Variants in INTS1 observed in about 807,000 individuals in gnomAD.
The protein encoded by INTS1 is integrator complex subunit 1.
A neutral mutation model predicts 241.6 loss-of-function variants in INTS1; 137 were observed. That is an observed-to-expected ratio of 0.57 (90% CI 0.49 to 0.65). The LOEUF (loss-of-function observed/expected upper bound fraction) is 0.65. Among genes scored for constraint, INTS1 ranks in the 30% least tolerant of loss-of-function variants. INTS1 has a pLI of 0.00. For synonymous variants in INTS1, 1,692 were observed against 1,337.8 expected (o/e 1.26, Z -5.78); for missense variants, 3,073 against 3,032.2 (o/e 1.01, Z -0.32).
At position 1,486,673 on chromosome 7, in the gene INTS1, C is replaced by G. The variant is rs749438920; in HGVS notation, c.2928G>C (p.Leu976Phe). The G allele has an allele frequency of 1.2e-6, 2 of 1,612,276 alleles. No homozygotes were observed. Among genetic ancestry groups the G allele is most frequent in the African/African-American group, 1.3e-5 (1 of 74,944 alleles). The change falls in exon 22 of 48, where the codon TTG becomes TTC. Residue 976 changes from leucine to phenylalanine, a missense_variant. Transcript: ENST00000404767. ...CCACCTGGGAGGAGCCGAGGCGCCG[C>G]AAGAAGTAGTCCAGCACCTCACACG... Reference protein sequence around the residue: ...QTTCEVLDYFLRRLGSSQVAS... With the variant: ...QTTCEVLDYFFRRLGSSQVAS...
chr7:1,483,532 G>A (rs915234765), intron 26 of INTS1: 2 of 614,366 alleles, frequency 3.3e-6, no homozygotes, highest in South Asian at 1.8e-5. Context: ...GTCCCACCAC[G>A]TGGGGATCTC....
intron 7 of INTS1, 44 bp downstream of exon 7, chr7:1,499,211 C>G (rs373860287): frequency 1.9e-6 from 3 of 1,603,246 alleles, no homozygotes; most frequent in Non-Finnish European, 2.5e-6. Flanking sequence ...CCGAGGCGCC[C>G]GCCCCCGCCG....
rs554347437 is a variant in INTS1 at position 1,500,057 on chromosome 7, C to T, written c.547-36G>A. On this transcript the variant is annotated intron_variant, in intron 4 of 47. Transcript: ENST00000404767. ...GGGCGCATGTCACGTGGGAGCTTCG[C>T]TGGCCCCAGAGGCAAAGCTGGGGTG... 445 of 1,605,878 alleles carry T rather than the reference C, an allele frequency of 2.8e-4. 6 individuals are homozygous for T. In the South Asian group the frequency reaches 4.7e-3, roughly 17 times the overall value.
Position 1,480,414 on chromosome 7 carries a change from C to A in INTS1, c.3977G>T (p.Ser1326Ile), listed in dbSNP as rs1432959720. 1 of 1,613,468 alleles carries A rather than the reference C, an allele frequency of 6.2e-7. No homozygotes were observed. The highest frequency in any genetic ancestry group is 8.5e-7 in the Non-Finnish European group (1 of 1,179,726). Residue 1326 changes from serine (S) to isoleucine (I), a missense_variant, in exon 30 of 48, where the codon AGC becomes ATC. Coordinates refer to ENST00000404767, the MANE Select transcript of INTS1 (RefSeq NM_001080453.3). ...RDSTEAPKPK[S>I]SPEQPIGQGR... The stretch of plus-strand genomic sequence containing the variant: ...CTGGCCTATGGGCTGCTCTGGGCTG[C>A]TCTTTGGTTTGGGTGCCTCTGTGCT...
intron 44 of INTS1, chr7:1,471,848 A>AG (rs1781481240): frequency 3.3e-6 from 2 of 600,400 alleles, no homozygotes; most frequent in Non-Finnish European, 5.9e-6. Context: ...CTCCAAGGAG[A>AG]GGGGTTGACC....
chr7:1,483,342 G>A (rs1175796499), intron 26 of INTS1: 1 of 338,460 alleles, frequency 3.0e-6, no homozygotes, highest in South Asian at 2.6e-5. Context: ...AGGGTCACTC[G>A]CCTGGGCCCC....
rs1357185542 is a variant in INTS1 at position 1,470,495 on chromosome 7, G to A, written c.*82C>T. 10 of 1,105,500 alleles carry A rather than the reference G, an allele frequency of 9.0e-6. No homozygotes were observed. Among genetic ancestry groups the A allele is most frequent in the African/African-American group, 1.6e-5 (1 of 63,366 alleles). 68.5% of individuals were successfully genotyped at this position (1,105,500 alleles called of 1,614,324 possible). On this transcript the variant is annotated 3_prime_UTR_variant, in exon 48 of 48. Coordinates refer to ENST00000404767, the MANE Select transcript of INTS1 (RefSeq NM_001080453.3). ...TCACCTCCTCGGACAGACCAGCAAC[G>A]CCCACGCTTCCTGGGCTTTGCCTCG...
At position 1,481,690 on chromosome 7, in the gene INTS1, G is replaced by C. The variant is rs1209253430; in HGVS notation, c.3704-202C>G. The stretch of plus-strand genomic sequence containing the variant: ...TGAGACCCTGGGCCACGTGGGCTCG[G>C]TGACCCCACCCAAGACCTGGGGCAG... On this transcript the variant is annotated intron_variant, in intron 27 of 47. Transcript: ENST00000404767. The surrounding 1 kb of genome is among the most constrained non-coding windows in gnomAD (Gnocchi z 6.8). Among the ~76,000 whole-genome samples, 1 of 145,392 alleles carries C rather than the reference G, an allele frequency of 6.9e-6. No individual in the cohort carries two copies. Among genetic ancestry groups the C allele is most frequent in the Admixed American group, 6.8e-5 (1 of 14,638 alleles).
At chr7:1,496,310 G>A (rs372125633) in intron 11 of INTS1, 46 bp from the exon 12 acceptor site, 111 of 1,299,972 alleles carry the variant, frequency 8.5e-5, no homozygotes, top group South Asian at 7.8e-4. Context: ...ACACCCGGGA[G>A]CCCCACTCCA....
At chr7:1,498,620 A>ACTCCGCCCGCACCCCCG in intron 9 of INTS1, 67 bp from the exon 10 acceptor site, 9 of 1,293,816 alleles carry the variant, frequency 7.0e-6, no homozygotes, top group Non-Finnish European at 8.9e-6. Context: ...CTGTGCCCCC[A>ACTCCGCCCGCACCCCCG]CTCCGCCCGC....
At chr7:1,483,483 G>C in intron 26 of INTS1, 1 of 555,150 alleles carries the variant, frequency 1.8e-6, no homozygotes, top group Non-Finnish European at 3.3e-6. Context: ...ACCCCAGGCT[G>C]TACCAGGCCC....
intron 12 of INTS1, among the ~76,000 whole-genome samples, 185 bp from the exon 13 acceptor site, chr7:1,495,738 G>A (rs946988393): frequency 2.0e-5 from 3 of 152,120 alleles, no homozygotes; most frequent in Non-Finnish European, 4.4e-5. Context: ...CGCGTGCGTG[G>A]GTGACTGGAA....
intron 9 of INTS1, 37 bp downstream of exon 9, chr7:1,498,670 C>T: frequency 6.5e-7 from 1 of 1,541,332 alleles, no homozygotes; most frequent in Non-Finnish European, 8.7e-7. Flanking sequence ...ACCCCCACTC[C>T]ACCCGCACCC....
At chr7:1,499,843 G>T in intron 5 of INTS1, 41 bp downstream of exon 5, 1 of 1,592,414 alleles carries the variant, frequency 6.3e-7, no homozygotes, top group Middle Eastern at 1.7e-4. Flanking sequence ...CCCACCCCGT[G>T]GCGCTCTGCC....
intron 30 of INTS1, 141 bp downstream of exon 30, chr7:1,480,176 G>A (rs1781928702): frequency 4.0e-6 from 4 of 1,003,358 alleles, no homozygotes; most frequent in Non-Finnish European, 5.7e-6. Flanking sequence ...GGTCACGCGT[G>A]TAAAGGCCGC....
chr7:1,487,483 G>A (rs375653627), intron 19 of INTS1, 34 bp from the exon 20 acceptor site: 23 of 1,598,726 alleles, frequency 1.4e-5, no homozygotes, highest in African/African-American at 1.1e-4. Flanking sequence ...GCGTCAGCAC[G>A]CCCTGAGCGG....
rs750965118 is a variant in INTS1, at chr7:1,502,897, T to A, written c.349+4A>T. The A allele has an allele frequency of 1.7e-5, 27 of 1,613,620 alleles. No homozygotes were observed. The highest frequency in any genetic ancestry group is 3.3e-4 in the Middle Eastern group (2 of 6,062). ...TTCTCGGGGGATGTCCACAGACTCA[T>A]TACCTTCAATTGGCACCACAGATGG... On this transcript the variant is annotated splice_donor_region_variant and intron_variant, in intron 3 of 47. Coordinates refer to ENST00000404767, the MANE Select transcript of INTS1 (RefSeq NM_001080453.3).
At chr7:1,483,878 G>A (rs369448299) in intron 25 of INTS1, 25 bp from the exon 26 acceptor site, 10 of 1,600,866 alleles carry the variant, frequency 6.2e-6, no homozygotes, top group East Asian at 2.2e-5. Context: ...GTGGAGTCAG[G>A]CCGTAAGGTT....
Position 1,478,271 on chromosome 7 carries a change from A to T in INTS1, c.4630+95T>A, listed in dbSNP as rs1036286005. ...ACTTTCCGGGGACAGTGCTGAGCAG[A>T]CACTGTCCGTCCCCCACTGGGCAGC... On this transcript the variant is annotated intron_variant, in intron 33 of 47. Transcript: ENST00000404767. The T allele has an allele frequency of 2.2e-6, 3 of 1,371,500 alleles. No homozygotes were observed. In the African/African-American group the frequency reaches 4.3e-5, roughly 20 times the overall value. 85.0% of individuals were successfully genotyped at this position (1,371,500 alleles called of 1,614,324 possible).
Sources: allele counts gnomAD v4.1 joint callset (sites outside exome capture counted in the v4.1 genomes callset), GRCh38; gene constraint gnomAD v4.1.1; non-coding constraint Gnocchi (gnomAD v3.1); transcripts MANE v1.5; gene names NCBI Gene and HGNC (gene_info 2026-07-23, HGNC 2026-07-21).